Variants in PYGM observed in about 807,000 individuals in gnomAD.
The protein encoded by PYGM is glycogen phosphorylase, muscle associated.
Under a neutral mutation model 99.3 loss-of-function variants are expected in PYGM, and 81 were observed. The ratio of observed to expected loss-of-function variants is 0.82; its 90% confidence interval spans 0.68 to 0.98. The LOEUF is 0.98. PYGM is among the 50% of genes least tolerant of loss of function. The probability of loss-of-function intolerance (pLI) is 0.00; values close to 1 mark genes in which losing one functional copy is unlikely to be tolerated. For missense variants in PYGM, 1,030 were observed against 1,158.1 expected, an observed-to-expected ratio of 0.89 and a Z score of 1.61; for synonymous variants, 436 against 451.5, an observed-to-expected ratio of 0.97 and a Z score of 0.44.
chr11:64,753,854 C>A (rs1420818963), intron 10 of PYGM, 25 bp downstream of exon 10: 14 of 1,556,386 alleles, frequency 9.0e-6, no homozygotes, highest in Non-Finnish European at 1.2e-5. Context: ...CACCCCCACA[C>A]CATCCCCCAA....
intron 11 of PYGM, 21 bp downstream of exon 11, chr11:64,753,498 G>GGCCT (rs2058370689): frequency 6.4e-7 from 1 of 1,570,184 alleles, no homozygotes; most frequent in Non-Finnish European, 8.6e-7. Context: ...AGAGGGGCGG[G>GGCCT]ATCTGGAAAG....
In PYGM at chr11:64,751,658, G is replaced by A. The variant is rs748622689; in HGVS notation, c.1769-3C>T. The stretch of plus-strand genomic sequence containing the variant: ...CTTATTGGGCTCCCTCTTGATGCCT[G>A]TGGAGAAACGAGAGGGATCCAGTGG... On this transcript the variant is annotated splice_region_variant and splice_polypyrimidine_tract_variant and intron_variant, in intron 14 of 19. Coordinates refer to ENST00000164139, the MANE Select transcript of PYGM (RefSeq NM_005609.4). The A allele has an allele frequency of 1.9e-5, 30 of 1,613,860 alleles. No homozygotes were observed. Among genetic ancestry groups the A allele is most frequent in the Non-Finnish European group, 2.5e-5 (30 of 1,179,896 alleles).
In PYGM at chr11:64,754,246, A is replaced by AG. The variant is rs368602234; in HGVS notation, c.1092+6dup. The AG allele has an allele frequency of 1.2e-3, 1,951 of 1,610,438 alleles. 23 individuals carry two copies. In the African/African-American group the frequency reaches 0.023, roughly 19 times the overall value. ...ATCAGATGGGGCAGAGGGGCCCTGA[A>AG]GCCCACCTTGTCCCAGTCCATCCGT... is the stretch of plus-strand genomic sequence containing the variant. On this transcript the variant is annotated splice_region_variant and intron_variant, in intron 9 of 19. Transcript: ENST00000164139. The surrounding 1 kb of genome is among the most constrained non-coding windows in gnomAD (Gnocchi z 5.5).
At position 64,754,194 on chromosome 11, in the gene PYGM, T is replaced by G; in HGVS notation, c.1092+59A>C. Reference sequence around the variant, plus strand: ...TTCATATCCTCCCACGCTCCCAAACTGGGAAGGGAACCCCGAGGCAGAGAG... The same window carrying G: ...TTCATATCCTCCCACGCTCCCAAACGGGGAAGGGAACCCCGAGGCAGAGAG... On this transcript the variant is annotated intron_variant, in intron 9 of 19. Coordinates refer to ENST00000164139, the MANE Select transcript of PYGM (RefSeq NM_005609.4). The surrounding 1 kb of genome is among the most constrained non-coding windows in gnomAD (Gnocchi z 5.5). 1 of 1,586,022 alleles carries G rather than the reference T, an allele frequency of 6.3e-7. No individual in the cohort carries two copies. Among genetic ancestry groups the G allele is most frequent in the African/African-American group, 1.3e-5 (1 of 74,204 alleles).
At position 64,759,936 on chromosome 11, in the gene PYGM, A is replaced by G. The variant is rs772464382; in HGVS notation, c.-38T>C. 6.2e-7 allele frequency: 1 copy of G among 1,609,876 alleles called. No individual in the cohort carries two copies. The highest frequency in any genetic ancestry group is 1.1e-5 in the South Asian group (1 of 90,850). ...GCGGGCCGGACTGGACTGATGGTAGAGGGGACGGCGGCCTCAGCACTGCCT... is the reference window on the plus strand; with the variant it reads ...GCGGGCCGGACTGGACTGATGGTAGGGGGGACGGCGGCCTCAGCACTGCCT... On this transcript the variant is annotated 5_prime_UTR_variant, in exon 1 of 20. Transcript: ENST00000164139.
intron 12 of PYGM, among the ~76,000 whole-genome samples, chr11:64,752,801 C>G (rs2058365858): frequency 6.6e-6 from 1 of 152,246 alleles, no homozygotes; most frequent in African/African-American, 2.4e-5. Context: ...ATATCTGCCC[C>G]CTTCCAGGCT....
chr11:64,753,388 T>C, intron 11 of PYGM, 131 bp downstream of exon 11: 1 of 1,346,500 alleles, frequency 7.4e-7, no homozygotes. Flanking sequence ...CTTGTAAGAA[T>C]GACGCCACCT....
In PYGM at chr11:64,747,580, A is replaced by T; in HGVS notation, c.2178-222T>A. On this transcript the variant is annotated intron_variant, in intron 17 of 19. Transcript: ENST00000164139. ...GAAGAAACTGAGGCCCGGAGGATAC[A>T]GAAAGCTAAGTGTTAGAGCCAAGGC... The T allele has an allele frequency of 3.4e-6, 2 of 587,376 alleles. 1 individual carries two copies. The highest frequency in any genetic ancestry group is 3.9e-5 in the South Asian group (2 of 51,248). The allele number at this position is 587,376 out of a possible 1,614,324, so 36.4% of individuals were successfully genotyped here.
Position 64,752,519 on chromosome 11 carries a change from C to T in PYGM, c.1519-15G>A. On this transcript the variant is annotated splice_polypyrimidine_tract_variant and intron_variant, in intron 12 of 19. Transcript: ENST00000164139. ...TCCCCGATGCGCTATGGGAAGACGG[C>T]TCTCAGCCAAGCCCATCCCCATGTC... The T allele has an allele frequency of 6.2e-7, 1 of 1,609,558 alleles. No homozygotes were observed. Among genetic ancestry groups the T allele is most frequent in the Non-Finnish European group, 8.5e-7 (1 of 1,176,452 alleles).
chr11:64,757,637 G>T, intron 5 of PYGM, 142 bp downstream of exon 5: 1 of 1,275,934 alleles, frequency 7.8e-7, no homozygotes, highest in Non-Finnish European at 1.1e-6. Context: ...GGCTTCAGCT[G>T]TGTGACTTTG....
Position 64,746,580 on chromosome 11 carries a change from A to C in PYGM, c.*79T>G, listed in dbSNP as rs1258960295. 1 of 1,585,064 alleles carries C rather than the reference A, an allele frequency of 6.3e-7. No individual in the cohort carries two copies. Among genetic ancestry groups the C allele is most frequent in the African/African-American group, 1.3e-5 (1 of 74,378 alleles). ...CTTAGAGATCTAACTCCAGTACCCC[A>C]CCCTCTGCATGAGGTGCTGGGGCTG... On this transcript the variant is annotated 3_prime_UTR_variant, in exon 20 of 20. Transcript: ENST00000164139.
Position 64,752,410 on chromosome 11 carries a change from A to G in PYGM, c.1613T>C (p.Val538Ala). 4 of 1,613,952 alleles carry G rather than the reference A, an allele frequency of 2.5e-6. No individual in the cohort carries two copies. The highest frequency in any genetic ancestry group is 3.4e-6 in the Non-Finnish European group (4 of 1,179,798). The change falls in exon 13 of 20, where the codon GTG (valine) becomes GCG (alanine). Residue 538 changes from valine to alanine, a missense_variant. By Grantham distance (64) the Val-to-Ala change is moderately conservative. Transcript: ENST00000164139. ...CATTGCATCTCTCCCCACCTGCTTC[A>G]CTTTGGCCACATCCCGAATGAAAGC... ...DEAFIRDVAK[V>A]KQENKLKFAA... is the part of the protein sequence containing the mutation.
chr11:64,759,616 C>T (rs750079189), intron 1 of PYGM, 40 bp downstream of exon 1: 1 of 1,610,060 alleles, frequency 6.2e-7, no homozygotes, highest in South Asian at 1.1e-5. Flanking sequence ...CCTGGCAGCG[C>T]CTTCAGCCCA....
chr11:64,754,898 G>A lies in PYGM; in HGVS notation c.856-62C>T. The A allele has an allele frequency of 6.3e-7, 1 of 1,598,868 alleles. No homozygotes were observed. Among genetic ancestry groups the A allele is most frequent in the African/African-American group, 1.3e-5 (1 of 74,826 alleles). Reference sequence around the variant, plus strand: ...GGGGGCATGGCCTAAAGCTGCGGTGGGTGTGGCCAGGAGGGACTCCCACCC... The same window carrying A: ...GGGGGCATGGCCTAAAGCTGCGGTGAGTGTGGCCAGGAGGGACTCCCACCC... On this transcript the variant is annotated intron_variant, in intron 7 of 19. Transcript: ENST00000164139. The surrounding 1 kb of genome is among the most constrained non-coding windows in gnomAD (Gnocchi z 5.5).
intron 5 of PYGM, among the ~76,000 whole-genome samples, chr11:64,756,983 T>C (rs2058398281): frequency 6.6e-6 from 1 of 152,068 alleles, no homozygotes; most frequent in South Asian, 2.1e-4. Flanking sequence ...AATTTTTTTT[T>C]TGAGACGAGG....
At position 64,755,679 on chromosome 11, in the gene PYGM, C is replaced by T; in HGVS notation, c.661-121G>A. 4 of 756,886 alleles carry T rather than the reference C, an allele frequency of 5.3e-6. No individual in the cohort carries two copies. 46.9% of individuals were successfully genotyped at this position (756,886 alleles called of 1,614,324 possible). A position where few individuals can be genotyped will look rare whatever the true frequency, so the allele number is the denominator to read the frequency against. ...GACCCAGGCTCTTGTCCTTGTCTAG[C>T]ATCGATGAGCTGGGTAACCATGAGC... On this transcript the variant is annotated intron_variant, in intron 5 of 19. Transcript: ENST00000164139. This position sits in a 1 kb window ranked among gnomAD's most constrained non-coding sequence, Gnocchi z 4.1.
intron 15 of PYGM, 49 bp from the exon 16 acceptor site, chr11:64,751,515 C>G (rs777906875): frequency 4.3e-6 from 7 of 1,614,062 alleles, no homozygotes; most frequent in African/African-American, 1.3e-5. Context: ...CCCCCCACCC[C>G]CTATCCTGCA....
In PYGM at chr11:64,746,499, A is replaced by T; in HGVS notation, c.*160T>A. ...AGGACGGAAGGGGGCCCGTGTCCTT[A>T]GTCACGCTGGACACTGGGACATTGA... is the stretch of plus-strand genomic sequence containing the variant. On this transcript the variant is annotated 3_prime_UTR_variant, in exon 20 of 20. Transcript: ENST00000164139. 1 of 1,033,750 alleles carries T rather than the reference A, an allele frequency of 9.7e-7. No individual in the cohort carries two copies. Among genetic ancestry groups the T allele is most frequent in the Non-Finnish European group, 1.4e-6 (1 of 699,084 alleles). 64.0% of individuals were successfully genotyped at this position (1,033,750 alleles called of 1,614,324 possible).
chr11:64,752,302 G>T, intron 13 of PYGM, 101 bp downstream of exon 13: 1 of 1,450,720 alleles, frequency 6.9e-7, no homozygotes. Flanking sequence ...GGCCTGGGCT[G>T]GCAGGAGAGA....
Sources: allele counts gnomAD v4.1 joint callset (sites outside exome capture counted in the v4.1 genomes callset), GRCh38; gene constraint gnomAD v4.1.1; non-coding constraint Gnocchi (gnomAD v3.1); transcripts MANE v1.5; gene names NCBI Gene and HGNC (gene_info 2026-07-23, HGNC 2026-07-21).